The following AHCYL2 variants were observed in gnomAD, a reference collection of about 807,000 sequenced individuals.
AHCYL2 encodes adenosylhomocysteinase like 2.
A neutral mutation model predicts 81.4 loss-of-function variants in AHCYL2; 28 were observed. The observed-to-expected ratio is 0.34, with a 90% CI of 0.25 to 0.47. The LOEUF is 0.47. AHCYL2 is among the 20% of genes least tolerant of loss of function. AHCYL2 has a pLI of 1.00. For missense variants in AHCYL2, 551 were observed against 785.1 expected, an observed-to-expected ratio of 0.70 and a Z score of 3.56; for synonymous variants, 272 against 290.2, an observed-to-expected ratio of 0.94 and a Z score of 0.64.
chr7:129,363,725 A>T (rs1011693481), intron 1 of AHCYL2, among the ~76,000 whole-genome samples: 1 of 152,042 alleles, frequency 6.6e-6, no homozygotes, highest in Non-Finnish European at 1.5e-5. Context: ...TTTAGTAGAG[A>T]CAGGGTTTCA....
chr7:129,335,798 C>A (rs552501744), intron 1 of AHCYL2, among the ~76,000 whole-genome samples: 11 of 152,260 alleles, frequency 7.2e-5, no homozygotes, highest in African/African-American at 2.6e-4. Flanking sequence ...ACAGAAACTG[C>A]GTGACTTTTC....
intron 2 of AHCYL2, among the ~76,000 whole-genome samples, chr7:129,380,108 C>A (rs1211153628): frequency 6.7e-6 from 1 of 149,666 alleles, no homozygotes; most frequent in East Asian, 1.9e-4. Context: ...AAAAGAAATT[C>A]TTCATCCCTC....
At position 129,405,903 on chromosome 7, in the gene AHCYL2, A is replaced by T; in HGVS notation, c.1206+4A>T. The T allele has an allele frequency of 6.2e-7, 1 of 1,611,682 alleles. No individual in the cohort carries two copies. Reference sequence around the variant, plus strand: ...GGTAGTCTGTGGCTATGGAGAGGTGAAGTTTAACCTTTTGTTTATTAGGTG... The same window carrying T: ...GGTAGTCTGTGGCTATGGAGAGGTGTAGTTTAACCTTTTGTTTATTAGGTG... On this transcript the variant is annotated splice_donor_region_variant and intron_variant, in intron 9 of 16. Coordinates refer to ENST00000325006, the MANE Select transcript of AHCYL2 (RefSeq NM_015328.4).
chr7:129,314,811 T>C (rs1287706011), intron 1 of AHCYL2, among the ~76,000 whole-genome samples: 1 of 152,134 alleles, frequency 6.6e-6, no homozygotes, highest in Non-Finnish European at 1.5e-5. Context: ...GTGACCAGAT[T>C]AAGGATATAG....
intron 15 of AHCYL2, among the ~76,000 whole-genome samples, chr7:129,425,978 G>A (rs1192932279): frequency 6.6e-6 from 1 of 152,214 alleles, no homozygotes; most frequent in African/African-American, 2.4e-5. Context: ...TAAGAATTAA[G>A]AGTACTAAAA....
intron 2 of AHCYL2, among the ~76,000 whole-genome samples, chr7:129,387,044 C>T (rs1405275655): frequency 6.6e-5 from 10 of 152,210 alleles, no homozygotes; most frequent in African/African-American, 2.4e-4. Flanking sequence ...AAACACTTTA[C>T]ATACATTATC....
intron 1 of AHCYL2, among the ~76,000 whole-genome samples, chr7:129,288,809 C>T (rs1341089981): frequency 6.6e-6 from 1 of 152,088 alleles, no homozygotes; most frequent in Non-Finnish European, 1.5e-5. Flanking sequence ...TGTTCTGTCA[C>T]CCAGGCTGGA....
intron 1 of AHCYL2, among the ~76,000 whole-genome samples, chr7:129,240,027 C>G (rs1163497923): frequency 3.9e-5 from 6 of 152,002 alleles, no homozygotes; most frequent in African/African-American, 1.4e-4. Flanking sequence ...AGTTCGAGAC[C>G]AGCTTGACCA....
chr7:129,324,200 A>T (rs923000569), intron 1 of AHCYL2, among the ~76,000 whole-genome samples: 8 of 151,850 alleles, frequency 5.3e-5, no homozygotes, highest in African/African-American at 1.9e-4. Flanking sequence ...CTTTTGATTA[A>T]TATTAGCATA....
Position 129,427,227 on chromosome 7 carries a change from G to A in AHCYL2, c.*182G>A. The A allele has an allele frequency of 1.6e-6, 1 of 621,550 alleles. No homozygotes were observed. The highest frequency in any genetic ancestry group is 3.0e-5 in the East Asian group (1 of 33,282). The allele number at this position is 621,550 out of a possible 1,614,324, so 38.5% of individuals were successfully genotyped here. A position where few individuals can be genotyped will look rare whatever the true frequency, so the allele number is the denominator to read the frequency against. ...CCTGTGCCTGTAGTGTTGGCCCAGAGTGTGGTTACTGCCCTGAGGGCCATG... is the reference window on the plus strand; with the variant it reads ...CCTGTGCCTGTAGTGTTGGCCCAGAATGTGGTTACTGCCCTGAGGGCCATG... On this transcript the variant is annotated 3_prime_UTR_variant, in exon 17 of 17. Transcript: ENST00000325006. The surrounding 1 kb of genome is among the most constrained non-coding windows in gnomAD (Gnocchi z 5.5).
chr7:129,247,915 T>C (rs938572026), intron 1 of AHCYL2, among the ~76,000 whole-genome samples: 3 of 152,206 alleles, frequency 2.0e-5, no homozygotes, highest in Admixed American at 6.5e-5. Context: ...GATTCTACTT[T>C]TGGTGGTATA....
At chr7:129,307,731 A>G (rs1797494260) in intron 1 of AHCYL2, among the ~76,000 whole-genome samples, 1 of 151,752 alleles carries the variant, frequency 6.6e-6, no homozygotes. Flanking sequence ...TGAAGTCAGC[A>G]TGGCTCAAGA....
chr7:129,311,359 T>C (rs896806372), intron 1 of AHCYL2, among the ~76,000 whole-genome samples: 8 of 152,182 alleles, frequency 5.3e-5, no homozygotes, highest in Non-Finnish European at 7.3e-5. Context: ...TAAGTTCATC[T>C]CTTTTCTGTC....
intron 1 of AHCYL2, among the ~76,000 whole-genome samples, chr7:129,303,979 C>T (rs1563188569): frequency 6.6e-6 from 1 of 151,922 alleles, no homozygotes; most frequent in African/African-American, 2.4e-5. Flanking sequence ...CCCAGCTACT[C>T]AGGAGGCTGA....
intron 5 of AHCYL2, among the ~76,000 whole-genome samples, chr7:129,398,837 C>G (rs1174081298): frequency 6.6e-6 from 1 of 152,032 alleles, no homozygotes; most frequent in East Asian, 1.9e-4. Context: ...AATGCCATGA[C>G]AGATTATAAA....
chr7:129,280,908 A>G (rs1348849850), intron 1 of AHCYL2, among the ~76,000 whole-genome samples: 1 of 145,368 alleles, frequency 6.9e-6, no homozygotes, highest in African/African-American at 2.6e-5. Flanking sequence ...TCTGTCGCCC[A>G]GGCTGGAGTG....
At chr7:129,255,507 G>A (rs2150708525) in intron 1 of AHCYL2, among the ~76,000 whole-genome samples, 1 of 152,274 alleles carries the variant, frequency 6.6e-6, no homozygotes, top group Middle Eastern at 3.4e-3. Flanking sequence ...GGACAGTGTG[G>A]GTCGAAAGTA....
rs780449441 is a variant in AHCYL2 at position 129,425,090 on chromosome 7, G to A, written c.1657G>A (p.Ala553Thr). Residue 553 changes from alanine (A) to threonine (T), a missense_variant, in exon 15 of 17, where the codon GCT (alanine) becomes ACT (threonine). Physicochemically the swap from Ala to Thr is moderately conservative, Grantham distance 58. Around this residue, in one of 2 missense-constraint regions of AHCYL2, gnomAD observed 316 missense variants for 543.1 expected, o/e 0.58. Transcript: ENST00000325006. The stretch of plus-strand genomic sequence containing the variant: ...TCTTGCCTTGATAGAGCTTTACAAT[G>A]CTCCTGAGGGTCGCTATAAGCAGGA... ...QALALIELYN[A>T]PEGRYKQDVY... 4 of 1,613,588 alleles carry A rather than the reference G, an allele frequency of 2.5e-6. No homozygotes were observed. Among genetic ancestry groups the A allele is most frequent in the Non-Finnish European group, 3.4e-6 (4 of 1,179,976 alleles).
At chr7:129,256,792 T>G (rs1795444386) in intron 1 of AHCYL2, among the ~76,000 whole-genome samples, 1 of 146,404 alleles carries the variant, frequency 6.8e-6, no homozygotes, top group Non-Finnish European at 1.5e-5. Context: ...GTTCAAAAGG[T>G]TTTTTTTTTA....
Sources: allele counts gnomAD v4.1 joint callset (sites outside exome capture counted in the v4.1 genomes callset), GRCh38; gene constraint gnomAD v4.1.1; regional missense constraint gnomAD v4.1.1; non-coding constraint Gnocchi (gnomAD v3.1); transcripts MANE v1.5; gene names NCBI Gene and HGNC (gene_info 2026-07-23, HGNC 2026-07-21).